The following SP4 variants were observed in gnomAD, a reference collection of about 807,000 sequenced individuals.
SP4 encodes transcription factor Sp4.
Under a neutral mutation model 72.8 loss-of-function variants are expected in SP4, and 19 were observed. The observed-to-expected ratio is 0.26, with a 90% CI of 0.18 to 0.38. SP4 has a LOEUF of 0.38. Among genes scored for constraint, SP4 ranks in the 10% least tolerant of loss-of-function variants. The pLI, the probability that SP4 is intolerant of heterozygous loss-of-function variation, is 1.00. For missense variants in SP4, 1,008 were observed against 926.3 expected (o/e 1.09, Z -1.14); for synonymous variants, 395 against 333.1 (o/e 1.19, Z -2.02).
intron 3 of SP4, among the ~76,000 whole-genome samples, chr7:21,434,045 T>C (rs561577420): frequency 1.7e-4 from 26 of 152,328 alleles, no homozygotes; most frequent in African/African-American, 6.0e-4. Flanking sequence ...TATCGCCCTT[T>C]TATAAATGAG....
intron 3 of SP4, among the ~76,000 whole-genome samples, chr7:21,453,871 C>T (rs2128399570): frequency 6.6e-6 from 1 of 152,310 alleles, no homozygotes; most frequent in Admixed American, 6.5e-5. Flanking sequence ...TAATATTTCA[C>T]ACATCTGCCA....
chr7:21,430,565 T>A lies in SP4; in HGVS notation c.1400T>A (p.Ile467Asn). Reference protein sequence around the residue: ...RAPTLTPSGQISWQTVQVQNI... With the variant: ...RAPTLTPSGQNSWQTVQVQNI... ...CCAACTTTAACACCTTCAGGGCAAA[T>A]CAGTTGGCAAACTGTACAGGTTCAG... The change falls in exon 3 of 6, where the codon ATC becomes AAC. Residue 467 changes from isoleucine to asparagine, a missense_variant. Physicochemically the swap from Ile to Asn is moderately radical, Grantham distance 149. This residue lies in a region of SP4 where 893 missense variants were observed against 743.3 expected (regional missense o/e 1.20). Coordinates refer to ENST00000222584, the MANE Select transcript of SP4 (RefSeq NM_003112.5). The A allele has an allele frequency of 6.2e-7, 1 of 1,614,180 alleles. No homozygotes were observed. Among genetic ancestry groups the A allele is most frequent in the Non-Finnish European group, 8.5e-7 (1 of 1,180,036 alleles).
intron 5 of SP4, among the ~76,000 whole-genome samples, chr7:21,488,368 C>T (rs1218743580): frequency 6.6e-6 from 1 of 152,038 alleles, no homozygotes; most frequent in Non-Finnish European, 1.5e-5. Context: ...ATGTCTCCCT[C>T]CCAGCAGAAG....
chr7:21,479,263 T>A (rs1245449993), intron 4 of SP4, among the ~76,000 whole-genome samples: 4 of 140,532 alleles, frequency 2.8e-5, no homozygotes, highest in Non-Finnish European at 5.9e-5. Flanking sequence ...GATTCCTAGT[T>A]GTTTTTTTTT....
intron 3 of SP4, among the ~76,000 whole-genome samples, chr7:21,466,243 TAG>T (rs1203835860): frequency 1.3e-5 from 2 of 152,214 alleles, no homozygotes; most frequent in Non-Finnish European, 2.9e-5. Flanking sequence ...AGGTACTCAG[TAG>T]AAGTTTGCTG....
At chr7:21,453,918 TTAAAA>T (rs2128399589) in intron 3 of SP4, among the ~76,000 whole-genome samples, 1 of 152,332 alleles carries the variant, frequency 6.6e-6, no homozygotes, top group East Asian at 1.9e-4. Context: ...CCTATCTAAC[TTAAAA>T]TAATTCTTTA....
chr7:21,487,410 GTT>G (rs200086841), intron 5 of SP4, among the ~76,000 whole-genome samples: 11 of 124,428 alleles, frequency 8.8e-5, no homozygotes, highest in Non-Finnish European at 1.4e-4. Context: ...AATCTCTAGG[GTT>G]TTTTTTTTTT....
At chr7:21,461,549 G>A (rs905016617) in intron 3 of SP4, among the ~76,000 whole-genome samples, 5 of 152,162 alleles carry the variant, frequency 3.3e-5, no homozygotes, top group African/African-American at 1.2e-4. Flanking sequence ...TGCAGGGCCC[G>A]CCAAGCCCAC....
Position 21,471,219 on chromosome 7 carries a change from A to AGCCACCACGCCTGG in SP4, c.1679-5860_1679-5859insGCCACCACGCCTGG. ...TTATGTACTATGCTAAGAAATACTG[A>AGCCACCACGCCTGG]CCTTATTGTGAATGTATGGAGGGCC... is the stretch of plus-strand genomic sequence containing the variant. On this transcript the variant is annotated intron_variant, in intron 3 of 5. Coordinates refer to ENST00000222584, the MANE Select transcript of SP4 (RefSeq NM_003112.5). 1.5e-5 allele frequency: 7 copies of AGCCACCACGCCTGG among 464,382 alleles called. No individual in the cohort carries two copies. The Admixed American group carries it at 1.7e-4, about 11-fold the overall frequency. The allele number at this position is 464,382 out of a possible 1,614,324, so 28.8% of individuals were successfully genotyped here.
chr7:21,487,204 GTGCCCC>G (rs899376350), intron 5 of SP4, among the ~76,000 whole-genome samples: 5 of 152,098 alleles, frequency 3.3e-5, no homozygotes, highest in African/African-American at 1.2e-4. Flanking sequence ...TCTTCTTGAA[GTGCCCC>G]TGTTTTGTTT....
At chr7:21,428,988 G>C (rs2128387392) in intron 2 of SP4, 196 bp downstream of exon 2, 1 of 594,174 alleles carries the variant, frequency 1.7e-6, no homozygotes, top group African/African-American at 1.9e-5. Flanking sequence ...AATTACATCA[G>C]GAATTCAGAC....
In SP4 at chr7:21,430,289, C is replaced by A; in HGVS notation, c.1124C>A (p.Ser375Tyr). 6.2e-7 allele frequency: 1 copy of A among 1,614,214 alleles called. No homozygotes were observed. The highest frequency in any genetic ancestry group is 8.5e-7 in the Non-Finnish European group (1 of 1,180,044). The change falls in exon 3 of 6, where the codon TCC becomes TAC. Residue 375 changes from serine (S) to tyrosine (Y), a missense_variant. Around this residue, in one of 3 missense-constraint regions of SP4, gnomAD observed 893 missense variants for 743.3 expected, o/e 1.20. Transcript: ENST00000222584. ...GCTACTGAGTCTGAAGCCCAGAGCT[C>A]CAGTCAGCTTCAGCCTAATGGAATG... ...PAATESEAQSSSQLQPNGMQN... is the reference protein window; with the variant it reads ...PAATESEAQSYSQLQPNGMQN...
chr7:21,481,479 A>G (rs1219996073), intron 4 of SP4, among the ~76,000 whole-genome samples: 3 of 152,138 alleles, frequency 2.0e-5, no homozygotes, highest in Admixed American at 6.5e-5. Flanking sequence ...GAGACTTTAA[A>G]TGGTATTTTT....
intron 5 of SP4, among the ~76,000 whole-genome samples, chr7:21,493,042 A>G (rs1040881694): frequency 3.3e-5 from 5 of 152,146 alleles, no homozygotes; most frequent in African/African-American, 1.2e-4. Context: ...TCTACTAAAA[A>G]TACAAAAATT....
At chr7:21,474,162 T>A (rs1245657324) in intron 3 of SP4, among the ~76,000 whole-genome samples, 1 of 152,158 alleles carries the variant, frequency 6.6e-6, no homozygotes, top group Non-Finnish European at 1.5e-5. Context: ...CTCTAGCAGT[T>A]CTTCCCCACC....
intron 5 of SP4, among the ~76,000 whole-genome samples, chr7:21,504,522 A>G (rs1016692656): frequency 1.3e-5 from 2 of 152,124 alleles, no homozygotes; most frequent in African/African-American, 4.8e-5. Context: ...TCATCCACAA[A>G]GAGCCTTATC....
chr7:21,457,831 T>TACA (rs1188122148), intron 3 of SP4, among the ~76,000 whole-genome samples: 1 of 152,116 alleles, frequency 6.6e-6, no homozygotes, highest in East Asian at 1.9e-4. Context: ...CTTGCTCTGT[T>TACA]GGCCAAGACG....
chr7:21,459,205 C>T (rs186840076), intron 3 of SP4, among the ~76,000 whole-genome samples: 312 of 152,280 alleles, frequency 2.0e-3, no homozygotes, highest in Non-Finnish European at 3.6e-3. Flanking sequence ...CTGCAACCTC[C>T]GCCTCCCGGA....
chr7:21,502,532 A>C (rs373086530), intron 5 of SP4, among the ~76,000 whole-genome samples: 3 of 152,144 alleles, frequency 2.0e-5, no homozygotes, highest in African/African-American at 7.2e-5. Flanking sequence ...CTTCAGGATC[A>C]GTATTCCATC....
Sources: allele counts gnomAD v4.1 joint callset (sites outside exome capture counted in the v4.1 genomes callset), GRCh38; gene constraint gnomAD v4.1.1; regional missense constraint gnomAD v4.1.1; transcripts MANE v1.5; gene names NCBI Gene and HGNC (gene_info 2026-07-23, HGNC 2026-07-21).